Variants in IL1RAPL2 observed in about 807,000 individuals in gnomAD.
IL1RAPL2 encodes the protein interleukin 1 receptor accessory protein like 2, also known as X-linked interleukin-1 receptor accessory protein-like 2.
In IL1RAPL2, 3 loss-of-function variants were observed where a neutral mutation model predicts 44.1. The observed-to-expected ratio is 0.07, with a 90% confidence interval of 0.03 to 0.18. The LOEUF (loss-of-function observed/expected upper bound fraction) is 0.18, where lower values mean the gene tolerates loss of function less well. Ranked by LOEUF, IL1RAPL2 falls within the 10% of genes least tolerant of loss-of-function variation. The pLI is 1.00. For synonymous variants in IL1RAPL2, 181 were observed against 178.8 expected (o/e 1.01, Z -0.10); for missense variants, 391 against 496.4 (o/e 0.79, Z 2.02).
chrX:105,483,316 C>G (rs1033990079), intron 5 of IL1RAPL2, among the ~76,000 whole-genome samples: 1 of 111,357 alleles, frequency 9.0e-6, no homozygotes, highest in African/African-American at 3.3e-5. Flanking sequence ...TCCAATCTAT[C>G]TAGTTTCATT....
chrX:105,088,200 T>C (rs558923451), intron 2 of IL1RAPL2, among the ~76,000 whole-genome samples: 1 of 111,917 alleles, frequency 8.9e-6, no homozygotes, highest in Middle Eastern at 4.7e-3. Flanking sequence ...CAAGCTGAAC[T>C]GCTGATAAAT....
chrX:104,919,488 G>T (rs1165923329), intron 2 of IL1RAPL2, among the ~76,000 whole-genome samples: 2 of 105,475 alleles, frequency 1.9e-5, no homozygotes, highest in African/African-American at 3.5e-5. Context: ...GCCTCCCAAA[G>T]TGCTGGGATT....
At chrX:104,590,549 T>C (rs1928646443) in intron 1 of IL1RAPL2, among the ~76,000 whole-genome samples, 2 of 111,753 alleles carry the variant, frequency 1.8e-5, no homozygotes, top group South Asian at 7.5e-4. Flanking sequence ...TCCAAACTGG[T>C]ACCAACAACA....
chrX:104,886,552 G>C (rs1369579885), intron 2 of IL1RAPL2, among the ~76,000 whole-genome samples: 2 of 108,990 alleles, frequency 1.8e-5, no homozygotes, highest in Non-Finnish European at 3.8e-5. Context: ...AAACTAAATG[G>C]TCAGTGGAGA....
chrX:105,443,867 ATCGCTGGATCATATGG>A (rs2035937256), intron 5 of IL1RAPL2, among the ~76,000 whole-genome samples: 1 of 111,815 alleles, frequency 8.9e-6, no homozygotes, highest in Non-Finnish European at 1.9e-5. Context: ...CAGCAGTGGG[ATCGCTGGATCATATGG>A]TAATTCTATT....
intron 5 of IL1RAPL2, among the ~76,000 whole-genome samples, chrX:105,381,124 C>A (rs1206707533): frequency 9.0e-6 from 1 of 111,077 alleles, no homozygotes; most frequent in Non-Finnish European, 1.9e-5. Flanking sequence ...TATGGATTAC[C>A]TTACAACAAC....
At chrX:105,189,446 G>A (rs782283630) in intron 2 of IL1RAPL2, among the ~76,000 whole-genome samples, 2 of 111,837 alleles carry the variant, frequency 1.8e-5, no homozygotes, top group Non-Finnish European at 3.8e-5. Context: ...GGCCAGACTC[G>A]TCTCGTACTC....
Position 104,762,593 on chromosome X carries a change from C to G in IL1RAPL2, c.82+103598C>G, listed in dbSNP as rs755964128. The stretch of plus-strand genomic sequence containing the variant: ...GTGGGAACTCTGTGGCAGCTCTGAC[C>G]CCACATTTCCCTTCTGCACTTCCCT... On this transcript the variant is annotated intron_variant, in intron 2 of 10. Transcript: ENST00000372582. 2.3e-4 allele frequency among the ~76,000 whole-genome samples: 26 copies of G among 112,775 alleles called. No homozygotes were observed. The South Asian group carries it at 8.1e-3, about 35-fold the overall frequency.
intron 2 of IL1RAPL2, among the ~76,000 whole-genome samples, chrX:105,047,483 T>C (rs899456568): frequency 1.8e-5 from 2 of 112,075 alleles, no homozygotes; most frequent in African/African-American, 3.2e-5. Context: ...TTCACTTCCC[T>C]GAACTATTTC....
chrX:105,667,406 T>C (rs1261851699), intron 6 of IL1RAPL2, among the ~76,000 whole-genome samples: 1 of 112,364 alleles, frequency 8.9e-6, no homozygotes, highest in African/African-American at 3.2e-5. Context: ...TGATTCCCAA[T>C]TGTGAACAGA....
chrX:104,676,869 C>A (rs1930773664), intron 2 of IL1RAPL2, among the ~76,000 whole-genome samples: 1 of 111,916 alleles, frequency 8.9e-6, no homozygotes, highest in Admixed American at 9.5e-5. Context: ...ATCGCTGATA[C>A]CCTTTCTTCC....
Position 105,685,138 on chromosome X carries a change from C to T in IL1RAPL2, c.773-32229C>T, listed in dbSNP as rs1026179300. Among the ~76,000 whole-genome samples, 39 of 111,894 alleles carry T rather than the reference C, an allele frequency of 3.5e-4. No individual in the cohort carries two copies. In the South Asian group the frequency reaches 0.011, roughly 31 times the overall value. On this transcript the variant is annotated intron_variant, in intron 6 of 10. Transcript: ENST00000372582. ...AAGCTGAAAATTCAAAAAATCAGAG[C>T]GCCTCTTCTCCTCCAAAGGATCGCA...
chrX:105,176,565 C>T (rs1018132081), intron 2 of IL1RAPL2, among the ~76,000 whole-genome samples: 17 of 110,305 alleles, frequency 1.5e-4, no homozygotes, highest in Admixed American at 5.8e-4. Context: ...TGCTGCCTTC[C>T]GAAGGTCATT....
At chrX:104,800,047 C>T (rs1313417176) in intron 2 of IL1RAPL2, among the ~76,000 whole-genome samples, 3 of 110,459 alleles carry the variant, frequency 2.7e-5, no homozygotes, top group African/African-American at 6.6e-5. Flanking sequence ...TTATAGCCAC[C>T]CCCACCACCA....
chrX:105,706,185 G>A (rs900498749), intron 6 of IL1RAPL2, among the ~76,000 whole-genome samples: 5 of 111,021 alleles, frequency 4.5e-5, no homozygotes, highest in African/African-American at 1.6e-4. Context: ...GGATTGTTGA[G>A]CAACTGCTTT....
intron 2 of IL1RAPL2, among the ~76,000 whole-genome samples, chrX:104,841,252 C>T (rs1205610853): frequency 3.6e-5 from 4 of 111,568 alleles, no homozygotes; most frequent in African/African-American, 9.8e-5. Context: ...AAATATTCCC[C>T]CACCCCTTTA....
At chrX:105,212,528 G>A (rs202059397) in intron 3 of IL1RAPL2, among the ~76,000 whole-genome samples, 1 of 112,047 alleles carries the variant, frequency 8.9e-6, no homozygotes, top group Admixed American at 9.4e-5. Context: ...GCGGCTGTGA[G>A]TGCAGCTTCA....
chrX:105,734,558 A>AT (rs1353026049), intron 7 of IL1RAPL2, among the ~76,000 whole-genome samples: 5 of 110,921 alleles, frequency 4.5e-5, no homozygotes, highest in Non-Finnish European at 3.8e-5. Flanking sequence ...AGCCTGGCTA[A>AT]TTTTTTAAAA....
At chrX:105,466,939 AT>A (rs961973228) in intron 5 of IL1RAPL2, among the ~76,000 whole-genome samples, 5 of 110,708 alleles carry the variant, frequency 4.5e-5, no homozygotes, top group Non-Finnish European at 9.5e-5. Flanking sequence ...AGCCAAACCC[AT>A]TTTTTTTAAC....
Sources: gnomAD v4.1 joint callset for allele counts (sites outside exome capture counted in the v4.1 genomes callset) on GRCh38, gnomAD v4.1.1 for gene constraint, MANE v1.5 for transcripts, NCBI Gene and HGNC (gene_info 2026-07-23, HGNC 2026-07-21) for gene names.